The following VOPP1 variants were observed in gnomAD, a reference collection of about 807,000 sequenced individuals.
VOPP1 encodes WW domain binding protein VOPP1.
A neutral mutation model predicts 23.5 loss-of-function variants in VOPP1; 8 were observed. The observed-to-expected ratio is 0.34, with a 90% CI of 0.20 to 0.61. VOPP1 has a LOEUF of 0.61. Ranked by LOEUF, VOPP1 falls within the 20% of genes least tolerant of loss-of-function variation. The pLI is 0.78. For synonymous variants in VOPP1, 83 were observed against 97.3 expected (o/e 0.85, Z 0.86); for missense variants, 174 against 238.1 (o/e 0.73, Z 1.77).
intron 1 of VOPP1, among the ~76,000 whole-genome samples, chr7:55,525,838 A>G (rs561050525): frequency 1.4e-5 from 2 of 145,972 alleles, no homozygotes; most frequent in African/African-American, 5.1e-5. Flanking sequence ...ATGGAAACTA[A>G]GGGGGAAAAA....
intron 2 of VOPP1, among the ~76,000 whole-genome samples, chr7:55,511,916 A>G (rs1337849818): frequency 6.6e-6 from 1 of 152,262 alleles, no homozygotes; most frequent in Non-Finnish European, 1.5e-5. Flanking sequence ...AACTTTCTAA[A>G]TTAACTGACA....
chr7:55,545,122 G>A lies in VOPP1; in HGVS notation c.55-23992C>T, dbSNP rs572187042. On this transcript the variant is annotated intron_variant, in intron 1 of 4. Coordinates refer to ENST00000285279, the MANE Select transcript of VOPP1 (RefSeq NM_030796.5). ...GTTCTTCTGAGAAGCAGACCACAAC[G>A]GTGGGGCATGGGGAAGACTGTGTTA... Among the ~76,000 whole-genome samples the A allele has an allele frequency of 4.3e-4, 66 of 152,278 alleles. No homozygotes were observed. The Middle Eastern group carries it at 0.014, about 31-fold the overall frequency.
chr7:55,498,474 A>T (rs1018824990), intron 2 of VOPP1, among the ~76,000 whole-genome samples: 1 of 151,922 alleles, frequency 6.6e-6, no homozygotes, highest in Admixed American at 6.5e-5. Context: ...GGTGCCCTCG[A>T]CATCCCTGCC....
intron 4 of VOPP1, among the ~76,000 whole-genome samples, chr7:55,439,654 G>A (rs1032563536): frequency 1.3e-4 from 20 of 152,212 alleles, no homozygotes; most frequent in African/African-American, 4.3e-4. Context: ...CTAGGGATCC[G>A]ACAGGAGCGC....
At chr7:55,555,700 T>C (rs1185489029) in intron 1 of VOPP1, among the ~76,000 whole-genome samples, 3 of 152,168 alleles carry the variant, frequency 2.0e-5, no homozygotes, top group South Asian at 2.1e-4. Context: ...TTGAAAACGG[T>C]AGTAGTCATC....
chr7:55,484,947 A>G (rs912411785), intron 4 of VOPP1, among the ~76,000 whole-genome samples: 1 of 152,200 alleles, frequency 6.6e-6, no homozygotes, highest in East Asian at 1.9e-4. Context: ...TCAACAGCAC[A>G]AGCCCACGTC....
chr7:55,519,439 T>C (rs1202411205), intron 2 of VOPP1, among the ~76,000 whole-genome samples: 1 of 152,072 alleles, frequency 6.6e-6, no homozygotes, highest in Non-Finnish European at 1.5e-5. Flanking sequence ...TATAAAACAA[T>C]TGGAGAAATA....
chr7:55,517,582 T>C (rs1450881184), intron 2 of VOPP1, among the ~76,000 whole-genome samples: 1 of 152,016 alleles, frequency 6.6e-6, no homozygotes, highest in Non-Finnish European at 1.5e-5. Context: ...TGGATGTGAG[T>C]CTCCTGTACC....
At chr7:55,507,634 G>T (rs1299543528) in intron 2 of VOPP1, among the ~76,000 whole-genome samples, 1 of 152,162 alleles carries the variant, frequency 6.6e-6, no homozygotes, top group Non-Finnish European at 1.5e-5. Flanking sequence ...TATCTGTCTT[G>T]CTTTCAAGTC....
chr7:55,435,157 A>T (rs774770614), downstream of VOPP1, among the ~76,000 whole-genome samples: 7 of 152,306 alleles, frequency 4.6e-5, no homozygotes, highest in Non-Finnish European at 7.3e-5. Context: ...GGATGGGACC[A>T]TTGGTGGTCC....
intron 2 of VOPP1, among the ~76,000 whole-genome samples, chr7:55,503,995 C>T (rs1485739690): frequency 3.3e-5 from 5 of 152,176 alleles, no homozygotes; most frequent in Non-Finnish European, 7.3e-5. Context: ...CAGCTAAAGT[C>T]GGAGTAAAAT....
intron 4 of VOPP1, among the ~76,000 whole-genome samples, chr7:55,447,781 C>T (rs1791139253): frequency 6.6e-6 from 1 of 152,122 alleles, no homozygotes; most frequent in Admixed American, 6.6e-5. Flanking sequence ...TCTGTGACAG[C>T]TTAATCCTGC....
At chr7:55,479,060 C>T (rs1562903226) in intron 4 of VOPP1, among the ~76,000 whole-genome samples, 1 of 151,906 alleles carries the variant, frequency 6.6e-6, no homozygotes, top group Admixed American at 6.6e-5. Flanking sequence ...TCGTAAGAGA[C>T]AATTCTTTCT....
At chr7:55,528,126 T>A (rs1200228013) in intron 1 of VOPP1, among the ~76,000 whole-genome samples, 1 of 152,168 alleles carries the variant, frequency 6.6e-6, no homozygotes, top group East Asian at 1.9e-4. Flanking sequence ...AACAAAATTA[T>A]AAGACATCCA....
chr7:55,568,555 G>A (rs1798240394), intron 1 of VOPP1, among the ~76,000 whole-genome samples: 1 of 152,170 alleles, frequency 6.6e-6, no homozygotes, highest in Admixed American at 6.5e-5. Flanking sequence ...ACTGGTATTG[G>A]TGAGTTTTAC....
chr7:55,454,894 C>T (rs574817250), intron 4 of VOPP1, among the ~76,000 whole-genome samples: 44 of 152,188 alleles, frequency 2.9e-4, no homozygotes, highest in Non-Finnish European at 6.0e-4. Flanking sequence ...CAGCACAAGA[C>T]AAGGATGCCC....
downstream of VOPP1, among the ~76,000 whole-genome samples, chr7:55,469,139 G>A (rs1476764898): frequency 2.0e-5 from 3 of 152,182 alleles, no homozygotes; most frequent in African/African-American, 7.2e-5. Flanking sequence ...ATGCCTAGAA[G>A]TGGTCAAATA....
At chr7:55,491,381 G>C (rs1199400273) in intron 4 of VOPP1, among the ~76,000 whole-genome samples, 1 of 152,158 alleles carries the variant, frequency 6.6e-6, no homozygotes, top group Non-Finnish European at 1.5e-5. Flanking sequence ...ACTGCTCCTA[G>C]AACTGACCAC....
intron 4 of VOPP1, 41 bp from the exon 5 acceptor site, chr7:55,473,086 C>T (rs371249566): frequency 1.3e-6 from 2 of 1,568,410 alleles, no homozygotes; most frequent in East Asian, 4.8e-5. Context: ...GAAGGGAAAG[C>T]CCCATCACAC....
Sources: gnomAD v4.1 joint callset for allele counts (sites outside exome capture counted in the v4.1 genomes callset) on GRCh38, gnomAD v4.1.1 for gene constraint, MANE v1.5 for transcripts, NCBI Gene and HGNC (gene_info 2026-07-23, HGNC 2026-07-21) for gene names.